USP54: variants seen among roughly 807,000 people sequenced by gnomAD.
USP54 encodes ubiquitin carboxyl-terminal hydrolase 54.
A neutral mutation model predicts 170.5 loss-of-function variants in USP54; 87 were observed. The ratio of observed to expected loss-of-function variants is 0.51; its 90% CI spans 0.43 to 0.61. USP54 has a LOEUF of 0.61. Ranked by LOEUF, USP54 falls within the 20% of genes least tolerant of loss-of-function variation. The probability of loss-of-function intolerance (pLI) is 0.00; values close to 1 mark genes in which losing one functional copy is unlikely to be tolerated. For synonymous variants in USP54, 655 were observed against 742.8 expected, an observed-to-expected ratio of 0.88 and a Z score of 1.92; for missense variants, 1,786 against 2,047.8, an observed-to-expected ratio of 0.87 and a Z score of 2.47.
chr10:73,618,722 A>G (rs1454363995), intron 1 of USP54, among the ~76,000 whole-genome samples: 1 of 145,688 alleles, frequency 6.9e-6, no homozygotes, highest in Non-Finnish European at 1.5e-5. Context: ...AGCCTGGGTC[A>G]CAGAGCGAGA....
chr10:73,534,907 CA>C, intron 11 of USP54, 137 bp from the exon 12 acceptor site: 1 of 728,172 alleles, frequency 1.4e-6, no homozygotes, highest in Non-Finnish European at 2.2e-6. Context: ...TATGCTATAC[CA>C]TCAAGCCATT....
chr10:73,574,357 C>T (rs1032767189), intron 3 of USP54, among the ~76,000 whole-genome samples: 8 of 152,136 alleles, frequency 5.3e-5, no homozygotes, highest in Non-Finnish European at 1.0e-4. Context: ...AGACTAGACT[C>T]CATTCAATAT....
intron 1 of USP54, among the ~76,000 whole-genome samples, chr10:73,617,944 T>G (rs1354890244): frequency 2.7e-5 from 4 of 149,956 alleles, no homozygotes; most frequent in Admixed American, 2.0e-4. Flanking sequence ...AAGGCAGTGG[T>G]TCACACCTGT....
At chr10:73,621,410 G>A (rs2081079776) in intron 1 of USP54, among the ~76,000 whole-genome samples, 1 of 141,434 alleles carries the variant, frequency 7.1e-6, no homozygotes, top group South Asian at 2.1e-4. Flanking sequence ...GACCATCCTG[G>A]CTAATATAAT....
upstream of USP54, among the ~76,000 whole-genome samples, chr10:73,592,054 CG>C (rs2078299983): frequency 6.6e-6 from 1 of 152,066 alleles, no homozygotes; most frequent in African/African-American, 2.4e-5. Flanking sequence ...ACCCCTCTCT[CG>C]GGGAAGAGAC....
intron 1 of USP54, among the ~76,000 whole-genome samples, chr10:73,621,416 A>G (rs2081080676): frequency 1.3e-5 from 2 of 150,530 alleles, no homozygotes; most frequent in Non-Finnish European, 2.9e-5. Context: ...CCTGGCTAAT[A>G]TAATGAAACC....
At chr10:73,581,238 A>G (rs994749530) in intron 1 of USP54, among the ~76,000 whole-genome samples, 4 of 152,256 alleles carry the variant, frequency 2.6e-5, no homozygotes, top group African/African-American at 9.6e-5. Context: ...GAGCGTGGGC[A>G]ACATGGTAAA....
At chr10:73,523,161 C>G (rs897973027) in intron 17 of USP54, among the ~76,000 whole-genome samples, 5 of 152,162 alleles carry the variant, frequency 3.3e-5, no homozygotes, top group Admixed American at 6.5e-5. Flanking sequence ...TGGCTTTGTT[C>G]TTGCTCCTGT....
intron 1 of USP54, among the ~76,000 whole-genome samples, chr10:73,581,696 A>G (rs2076922671): frequency 6.6e-6 from 1 of 152,360 alleles, no homozygotes; most frequent in Non-Finnish European, 1.5e-5. Context: ...TGAATTCAGT[A>G]ATACTAATAA....
chr10:73,551,257 G>A (rs1302838507), intron 4 of USP54, among the ~76,000 whole-genome samples: 1 of 152,166 alleles, frequency 6.6e-6, no homozygotes, highest in Non-Finnish European at 1.5e-5. Flanking sequence ...GGGAGAGGCA[G>A]TGCCAGCAAT....
intron 1 of USP54, among the ~76,000 whole-genome samples, chr10:73,601,206 T>A (rs1390567928): frequency 6.6e-6 from 1 of 152,018 alleles, no homozygotes; most frequent in Non-Finnish European, 1.5e-5. Context: ...GTAAGTTCCA[T>A]CAATAAAAGC....
At chr10:73,550,508 C>T (rs1387458516) in intron 4 of USP54, among the ~76,000 whole-genome samples, 3 of 152,098 alleles carry the variant, frequency 2.0e-5, no homozygotes, top group Non-Finnish European at 4.4e-5. Flanking sequence ...ATCTGTCATA[C>T]TATATATTTT....
At chr10:73,614,829 GGA>G (rs1365437487) in intron 1 of USP54, among the ~76,000 whole-genome samples, 2 of 150,238 alleles carry the variant, frequency 1.3e-5, no homozygotes, top group African/African-American at 5.0e-5. Context: ...ATTTTGGGAT[GGA>G]GAGAGCCTAC....
chr10:73,622,827 G>A (rs1458429139), intron 1 of USP54, among the ~76,000 whole-genome samples: 1 of 151,910 alleles, frequency 6.6e-6, no homozygotes, highest in Non-Finnish European at 1.5e-5. Context: ...TGTAGTCCCA[G>A]CTCCTGGAGA....
intron 10 of USP54, among the ~76,000 whole-genome samples, chr10:73,536,697 T>C (rs2065276107): frequency 1.3e-5 from 2 of 152,194 alleles, no homozygotes; most frequent in South Asian, 4.1e-4. Flanking sequence ...CTGTGAACCA[T>C]CAACTCAGTT....
At chr10:73,531,163 T>G (rs1239334122) in intron 12 of USP54, among the ~76,000 whole-genome samples, 1 of 151,860 alleles carries the variant, frequency 6.6e-6, no homozygotes, top group Non-Finnish European at 1.5e-5. Context: ...TCCGGCATGG[T>G]GGCATGTGCC....
intron 4 of USP54, among the ~76,000 whole-genome samples, chr10:73,547,323 C>A (rs1037437238): frequency 2.6e-5 from 4 of 152,138 alleles, no homozygotes; most frequent in African/African-American, 2.4e-5. Context: ...ATCACTTGAA[C>A]CCGGGAGGCT....
At chr10:73,551,716 T>C (rs975485704) in intron 4 of USP54, among the ~76,000 whole-genome samples, 3 of 152,244 alleles carry the variant, frequency 2.0e-5, no homozygotes, top group Non-Finnish European at 4.4e-5. Context: ...ACTGCTGACA[T>C]AGGCTCTATT....
At position 73,498,661 on chromosome 10, in the gene USP54, T is replaced by C; in HGVS notation, c.5023A>G (p.Arg1675Gly). ...TGACTGTGCTGCAGGACTCTAGCCC[T>C]GATCTGCTCTCTTCTGGGAGCATCT... Reference protein sequence around the residue: ...LSDAPRREQIRARVLQHSQW With the variant: ...LSDAPRREQIGARVLQHSQW The change falls in exon 24 of 24, where the codon AGG becomes GGG. Residue 1675 changes from arginine to glycine, a missense_variant. Physicochemically the swap from Arg to Gly is moderately radical, Grantham distance 125. Transcript: ENST00000687698. 1 of 1,572,740 alleles carries C rather than the reference T, an allele frequency of 6.4e-7. No individual in the cohort carries two copies. Among genetic ancestry groups the C allele is most frequent in the South Asian group, 1.2e-5 (1 of 84,840 alleles).
Sources: allele counts gnomAD v4.1 joint callset (sites outside exome capture counted in the v4.1 genomes callset), GRCh38; gene constraint gnomAD v4.1.1; transcripts MANE v1.5; gene names NCBI Gene and HGNC (gene_info 2026-07-23, HGNC 2026-07-21).